Variants in CBX6 observed in about 807,000 individuals in gnomAD.
The protein encoded by CBX6 is chromobox protein homolog 6.
Under a neutral mutation model 28.4 loss-of-function variants are expected in CBX6, and 7 were observed. That is an observed-to-expected ratio of 0.25 (90% CI 0.14 to 0.46). The LOEUF (loss-of-function observed/expected upper bound fraction) is 0.46, where lower values mean the gene tolerates loss of function less well. CBX6 is among the 20% of genes least tolerant of loss of function. The pLI is 0.99. For missense variants in CBX6, 512 were observed against 606.1 expected (o/e 0.84, Z 1.63); for synonymous variants, 297 against 273.4 (o/e 1.09, Z -0.85).
chr22:38,867,038 G>A lies in CBX6; in HGVS notation c.410C>T (p.Pro137Leu), dbSNP rs565368697. ...TCCGGGGCTGCCCCCCTGCGGGTCC[G>A]GGCGGGGCAGGGGACGGCGGGACAT... ...HRMSRRPLPR[P>L]DPQGGSPGLR... is the part of the protein sequence containing the mutation. Residue 137 changes from proline (P) to leucine (L), a missense_variant, in exon 5 of 5, where the codon CCG becomes CTG. This residue lies in a region of CBX6 where 123 missense variants were observed against 138.1 expected (regional missense o/e 0.89). Coordinates refer to ENST00000407418, the MANE Select transcript of CBX6 (RefSeq NM_014292.5). 3.1e-6 allele frequency: 5 copies of A among 1,605,320 alleles called. No individual in the cohort carries two copies. The highest frequency in any genetic ancestry group is 2.2e-5 in the East Asian group (1 of 44,674).
Position 38,862,824 on chromosome 22 carries a change from T to C in CBX6, c.*3385A>G, listed in dbSNP as rs1054638680. On this transcript the variant is annotated 3_prime_UTR_variant, in exon 5 of 5. Coordinates refer to ENST00000407418, the MANE Select transcript of CBX6 (RefSeq NM_014292.5). ...TGGCTCCAGGGCCTGGGCCCTGCCT[T>C]TTAAAGGGCTTTTCCCCATAGGCCA... 6.6e-6 allele frequency: 1 copy of C among 152,184 alleles called. No homozygotes were observed. The highest frequency in any genetic ancestry group is 1.5e-5 in the Non-Finnish European group (1 of 68,040). 9.4% of individuals were successfully genotyped at this position (152,184 alleles called of 1,614,324 possible).
In CBX6 at chr22:38,870,341, G is replaced by T. The variant is rs2093179186; in HGVS notation, c.246+1139C>A. 6.6e-6 allele frequency: 1 copy of T among 152,214 alleles called. No homozygotes were observed. Among genetic ancestry groups the T allele is most frequent in the Non-Finnish European group, 1.5e-5 (1 of 68,064 alleles). The allele number at this position is 152,214 out of a possible 1,614,324, so 9.4% of individuals were successfully genotyped here. Reference sequence around the variant, plus strand: ...CCCACAGCCAGCTCAGGAACCAAAAGAACTATCAAGAAAAAAAGGCGTTCT... The same window carrying T: ...CCCACAGCCAGCTCAGGAACCAAAATAACTATCAAGAAAAAAAGGCGTTCT... On this transcript the variant is annotated intron_variant, in intron 4 of 4. Coordinates refer to ENST00000407418, the MANE Select transcript of CBX6 (RefSeq NM_014292.5). The surrounding 1 kb of genome is among the most constrained non-coding windows in gnomAD (Gnocchi z 4.3).
In CBX6 at chr22:38,870,195, C is replaced by T. The variant is rs1177896160; in HGVS notation, c.246+1285G>A. ...CCAGGAAGCTGGACCTCGGGTAAGT[C>T]ACTTTCCCTTCCTGGGCCTTGATTT... On this transcript the variant is annotated intron_variant, in intron 4 of 4. Coordinates refer to ENST00000407418, the MANE Select transcript of CBX6 (RefSeq NM_014292.5). The surrounding 1 kb of genome is among the most constrained non-coding windows in gnomAD (Gnocchi z 4.3). The T allele has an allele frequency of 6.6e-6, 1 of 152,178 alleles. No homozygotes were observed. Among genetic ancestry groups the T allele is most frequent in the Non-Finnish European group, 1.5e-5 (1 of 68,044 alleles). The allele number at this position is 152,178 out of a possible 1,614,324, so 9.4% of individuals were successfully genotyped here. A position where few individuals can be genotyped will look rare whatever the true frequency, so the allele number is the denominator to read the frequency against.
rs1018517283 is a variant in CBX6, at chr22:38,865,003, A to G, written c.*1206T>C. 2.0e-5 allele frequency: 3 copies of G among 152,314 alleles called. No homozygotes were observed. Among genetic ancestry groups the G allele is most frequent in the Non-Finnish European group, 4.4e-5 (3 of 68,088 alleles). The allele number at this position is 152,314 out of a possible 1,614,324, so 9.4% of individuals were successfully genotyped here. A position where few individuals can be genotyped will look rare whatever the true frequency, so the allele number is the denominator to read the frequency against. On this transcript the variant is annotated 3_prime_UTR_variant, in exon 5 of 5. Coordinates refer to ENST00000407418, the MANE Select transcript of CBX6 (RefSeq NM_014292.5). The stretch of plus-strand genomic sequence containing the variant: ...GAGGGAAACAGAAGCTGCCCAGGAC[A>G]CGGGAGCCTCCTTTGCTTCAGGCAG...
chr22:38,871,795 CAG>C lies in CBX6; in HGVS notation c.114-40_114-39del. Reference sequence around the variant, plus strand: ...AAACGCACAAAATCAGGATGAAGACCAGAGAGGGACAGGCACGCGGCGAGAGC... The same window carrying C: ...AAACGCACAAAATCAGGATGAAGACCAGAGGGACAGGCACGCGGCGAGAGC... On this transcript the variant is annotated intron_variant, in intron 2 of 4. Transcript: ENST00000407418. This position sits in a 1 kb window ranked among gnomAD's most constrained non-coding sequence, Gnocchi z 5.6. 6.3e-7 allele frequency: 1 copy of C among 1,598,724 alleles called. No homozygotes were observed.
intron 4 of CBX6, 133 bp from the exon 5 acceptor site, chr22:38,867,334 C>G (rs2093173166): frequency 3.8e-6 from 3 of 782,130 alleles, no homozygotes; most frequent in Non-Finnish European, 5.9e-6. Context: ...AATCACTGGT[C>G]TTCATGACCT....
At chr22:38,869,010 T>G (rs1288338240) in intron 4 of CBX6, among the ~76,000 whole-genome samples, 1 of 152,132 alleles carries the variant, frequency 6.6e-6, no homozygotes, top group Non-Finnish European at 1.5e-5. Flanking sequence ...TGGGGCTGCT[T>G]GGTTAACAGT....
rs966499517 is a variant in CBX6 at position 38,866,590 on chromosome 22, A to T, written c.858T>A (p.Ser286=). The T allele has an allele frequency of 1.3e-6, 2 of 1,571,482 alleles. No homozygotes were observed. Among genetic ancestry groups the T allele is most frequent in the South Asian group, 2.3e-5 (2 of 87,618 alleles). Residue 286 remains serine (S), a synonymous_variant, in exon 5 of 5, where the codon TCT becomes TCA. Transcript: ENST00000407418. The surrounding 1 kb of genome is among the most constrained non-coding windows in gnomAD (Gnocchi z 7.5). Reference sequence around the variant, plus strand: ...GCTTGGGGGGCGTGTCGTCGGGGTCAGAGGACTGTGGTGTAGGCGAGGGGC... The same window carrying T: ...GCTTGGGGGGCGTGTCGTCGGGGTCTGAGGACTGTGGTGTAGGCGAGGGGC... ...SGCPSPTPQS[S]DPDDTPPKLL...
At chr22:38,869,571 T>G (rs1206151893) in intron 4 of CBX6, 1 of 152,202 alleles carries the variant, frequency 6.6e-6, no homozygotes, top group Non-Finnish European at 1.5e-5. Context: ...TATTATTTTT[T>G]AAAGGGTTTA....
rs3042739 is a variant in CBX6, at chr22:38,862,518, CAAAAAAAAAAAAAAA to C, written c.*3676_*3690del. 1 of 27,416 alleles carries C rather than the reference CAAAAAAAAAAAAAAA, an allele frequency of 3.6e-5. No individual in the cohort carries two copies. The highest frequency in any genetic ancestry group is 5.2e-4 in the Admixed American group (1 of 1,914). 1.7% of individuals were successfully genotyped at this position (27,416 alleles called of 1,614,324 possible). The stretch of plus-strand genomic sequence containing the variant: ...TCCACTGTCCTGTGTGGGCGAAGTG[CAAAAAAAAAAAAAAA>C]AAAAAAAAAAAAGAAAGAAAGAAAA... On this transcript the variant is annotated 3_prime_UTR_variant, in exon 5 of 5. Transcript: ENST00000407418.
Position 38,871,748 on chromosome 22 carries a change from A to G in CBX6, c.123T>C (p.Thr41=), listed in dbSNP as rs751379888. 2 of 1,610,580 alleles carry G rather than the reference A, an allele frequency of 1.2e-6. No homozygotes were observed. The part of the protein sequence containing the change: ...KWKGWAIKYS[T]WEPEENILDS... ...CCAGGATGTTCTCCTCGGGCTCCCA[A>G]GTGCTGTACCTGCCGAGTCACAAAC... The change falls in exon 3 of 5, where the codon ACT becomes ACC. Residue 41 remains threonine, a synonymous_variant. Coordinates refer to ENST00000407418, the MANE Select transcript of CBX6 (RefSeq NM_014292.5). The surrounding 1 kb of genome is among the most constrained non-coding windows in gnomAD (Gnocchi z 5.6).
rs1406784286 is a variant in CBX6, at chr22:38,870,421, C to G, written c.246+1059G>C. On this transcript the variant is annotated intron_variant, in intron 4 of 4. Coordinates refer to ENST00000407418, the MANE Select transcript of CBX6 (RefSeq NM_014292.5). This position sits in a 1 kb window ranked among gnomAD's most constrained non-coding sequence, Gnocchi z 4.3. ...TCGCCGCTAGAGGGTGCCCCAGCTG[C>G]ACTGAGAGGCTGTCACACAGCCCAC... 6.6e-6 allele frequency: 1 copy of G among 152,256 alleles called. No homozygotes were observed. Among genetic ancestry groups the G allele is most frequent in the Non-Finnish European group, 1.5e-5 (1 of 68,070 alleles). The allele number at this position is 152,256 out of a possible 1,614,324, so 9.4% of individuals were successfully genotyped here.
At chr22:38,869,065 T>A (rs1344537366) in intron 4 of CBX6, among the ~76,000 whole-genome samples, 1 of 152,204 alleles carries the variant, frequency 6.6e-6, no homozygotes, top group African/African-American at 2.4e-5. Flanking sequence ...GGCCTGCCCA[T>A]GCCAATGCTG....
intron 4 of CBX6, among the ~76,000 whole-genome samples, chr22:38,868,035 G>T (rs570479058): frequency 6.6e-6 from 1 of 152,210 alleles, no homozygotes; most frequent in Non-Finnish European, 1.5e-5. Context: ...TCCCAGGCCT[G>T]TCCTTCCAGC....
In CBX6 at chr22:38,871,326, G is replaced by T. The variant is rs1488704627; in HGVS notation, c.246+154C>A. On this transcript the variant is annotated intron_variant, in intron 4 of 4. Coordinates refer to ENST00000407418, the MANE Select transcript of CBX6 (RefSeq NM_014292.5). This position sits in a 1 kb window ranked among gnomAD's most constrained non-coding sequence, Gnocchi z 5.6. ...TGAGGCCTGCCATCAGGGGCTTCTG[G>T]GGGGGCTCACAACCACCCCCTGCCC... 1.4e-6 allele frequency: 1 copy of T among 698,146 alleles called. No individual in the cohort carries two copies. 43.2% of individuals were successfully genotyped at this position (698,146 alleles called of 1,614,324 possible).
chr22:38,866,880 C>G lies in CBX6; in HGVS notation c.568G>C (p.Ala190Pro). 6.3e-7 allele frequency: 1 copy of G among 1,596,412 alleles called. No homozygotes were observed. The highest frequency in any genetic ancestry group is 8.5e-7 in the Non-Finnish European group (1 of 1,173,150). ...GCCAGCGCCCCGGCCCCCTGCCCGG[C>G]GCCCCCGCCGCCAGCGCCCTTGTCG... ...VIDKGAGGGG[A>P]GQGAGALARP... is the part of the protein sequence containing the mutation. Residue 190 changes from alanine (A) to proline (P), a missense_variant, in exon 5 of 5, where the codon GCC (alanine) becomes CCC (proline). Ala to Pro is a conservative substitution (Grantham distance 27, BLOSUM62 -1). This residue lies in a region of CBX6 where 290 missense variants were observed against 274.1 expected (regional missense o/e 1.06). Coordinates refer to ENST00000407418, the MANE Select transcript of CBX6 (RefSeq NM_014292.5). This position sits in a 1 kb window ranked among gnomAD's most constrained non-coding sequence, Gnocchi z 7.5.
In CBX6 at chr22:38,871,675, C is replaced by T; in HGVS notation, c.179+17G>A. Reference sequence around the variant, plus strand: ...GCCTCGGCCTCGCAGCCCCTGCCAGCTTCCCCAACAACTCACTTTTGTTCG... The same window carrying T: ...GCCTCGGCCTCGCAGCCCCTGCCAGTTTCCCCAACAACTCACTTTTGTTCG... On this transcript the variant is annotated intron_variant, in intron 3 of 4. Coordinates refer to ENST00000407418, the MANE Select transcript of CBX6 (RefSeq NM_014292.5). The surrounding 1 kb of genome is among the most constrained non-coding windows in gnomAD (Gnocchi z 5.6). 6.2e-7 allele frequency: 1 copy of T among 1,613,350 alleles called. No individual in the cohort carries two copies. Among genetic ancestry groups the T allele is most frequent in the Non-Finnish European group, 8.5e-7 (1 of 1,179,626 alleles).
At position 38,861,948 on chromosome 22, in the gene CBX6, A is replaced by T. The variant is rs552160402; in HGVS notation, c.*4261T>A. 17 of 152,352 alleles carry T rather than the reference A, an allele frequency of 1.1e-4. No individual in the cohort carries two copies. The highest frequency in any genetic ancestry group is 4.1e-4 in the South Asian group (2 of 4,828). 9.4% of individuals were successfully genotyped at this position (152,352 alleles called of 1,614,324 possible). ...TCATTAAATGAACGTCTCAAAAATT[A>T]AAAAAATTATAAGATACGTATTTCT... On this transcript the variant is annotated 3_prime_UTR_variant, in exon 5 of 5. Coordinates refer to ENST00000407418, the MANE Select transcript of CBX6 (RefSeq NM_014292.5).
chr22:38,868,914 T>G (rs1488925974), intron 4 of CBX6, among the ~76,000 whole-genome samples: 1 of 152,202 alleles, frequency 6.6e-6, no homozygotes, highest in Non-Finnish European at 1.5e-5. Context: ...TAAGCAAGGA[T>G]GTCTTCATTT....
Sources: gnomAD v4.1 joint callset for allele counts (sites outside exome capture counted in the v4.1 genomes callset) on GRCh38, gnomAD v4.1.1 for gene constraint, gnomAD v4.1.1 regional missense constraint, Gnocchi (gnomAD v3.1) non-coding constraint, MANE v1.5 for transcripts, NCBI Gene and HGNC (gene_info 2026-07-23, HGNC 2026-07-21) for gene names.